Variants in SNAPC1 observed in about 807,000 individuals in gnomAD.
SNAPC1 encodes the protein snRNA-activating protein complex subunit 1.
Under a neutral mutation model 50.1 loss-of-function variants are expected in SNAPC1, and 42 were observed. The ratio of observed to expected loss-of-function variants is 0.84; its 90% CI spans 0.65 to 1.08. The LOEUF (loss-of-function observed/expected upper bound fraction) is 1.08. Among genes scored for constraint, SNAPC1 ranks in the 50% least tolerant of loss-of-function variants. The pLI is 0.00. For missense variants in SNAPC1, 477 were observed against 427.3 expected (o/e 1.12, Z -1.02); for synonymous variants, 164 against 144.2 (o/e 1.14, Z -0.98).
intron 2 of SNAPC1, 84 bp downstream of exon 2, chr14:61,767,119 T>A: frequency 9.1e-7 from 1 of 1,096,472 alleles, no homozygotes; most frequent in Non-Finnish European, 1.2e-6. Context: ...TGATTAAATA[T>A]GATTTAAATA....
At position 61,767,209 on chromosome 14, in the gene SNAPC1, C is replaced by T. The variant is rs2044954680; in HGVS notation, c.289-3C>T. On this transcript the variant is annotated splice_polypyrimidine_tract_variant and splice_region_variant and intron_variant, in intron 2 of 9. Transcript: ENST00000216294. ...TACAACTTTTTTTTCTTCCTGGTTG[C>T]AGATCAGAGTTGCCCTGAAGGATTG... The T allele has an allele frequency of 1.4e-6, 2 of 1,433,552 alleles. No homozygotes were observed. Among genetic ancestry groups the T allele is most frequent in the South Asian group, 3.5e-5 (2 of 57,594 alleles). The allele number at this position is 1,433,552 out of a possible 1,614,324, so 88.8% of individuals were successfully genotyped here. A position where few individuals can be genotyped will look rare whatever the true frequency, so the allele number is the denominator to read the frequency against.
chr14:61,782,252 C>A lies in SNAPC1; in HGVS notation c.831C>A (p.Ser277=). 1 of 1,586,996 alleles carries A rather than the reference C, an allele frequency of 6.3e-7. No individual in the cohort carries two copies. Among genetic ancestry groups the A allele is most frequent in the Non-Finnish European group, 8.5e-7 (1 of 1,170,828 alleles). ...SKAFSVVIQA[S]KSRRHRQVKL... Reference sequence around the variant, plus strand: ...ATTGGATTGTAACTCTTAAGGCATCCAAATCAAGAAGGCATCGTCAAGTCA... The same window carrying A: ...ATTGGATTGTAACTCTTAAGGCATCAAAATCAAGAAGGCATCGTCAAGTCA... Residue 277 remains serine, a synonymous_variant, in exon 8 of 10, where the codon TCC becomes TCA. Transcript: ENST00000216294.
chr14:61,778,907 AC>A lies in SNAPC1; in HGVS notation c.823del (p.Gln275ArgfsTer39). ...AATCAAAGGCCTTTTCAGTTGTCAT[AC>A]AGGTAAGTTATTCTTTAATAAGGTA... ...IKSKAFSVVI[Q>X]ASKSRRHRQV... is the part of the protein sequence containing the mutation. On this transcript the variant is annotated frameshift_variant and splice_region_variant, in exon 7 of 10. Coordinates refer to ENST00000216294, the MANE Select transcript of SNAPC1 (RefSeq NM_003082.4). LOFTEE classifies it high-confidence loss of function. The A allele has an allele frequency of 6.6e-7, 1 of 1,522,944 alleles. No individual in the cohort carries two copies. 94.3% of individuals were successfully genotyped at this position (1,522,944 alleles called of 1,614,324 possible). A position where few individuals can be genotyped will look rare whatever the true frequency, so the allele number is the denominator to read the frequency against.
intron 7 of SNAPC1, among the ~76,000 whole-genome samples, chr14:61,781,185 C>G (rs369127485): frequency 1.3e-5 from 2 of 152,070 alleles, no homozygotes; most frequent in Non-Finnish European, 2.9e-5. Context: ...TGCGGTGGCT[C>G]ATGCCTGTAA....
At chr14:61,767,117 TA>T in intron 2 of SNAPC1, 82 bp downstream of exon 2, 1 of 1,102,106 alleles carries the variant, frequency 9.1e-7, no homozygotes, top group Non-Finnish European at 1.2e-6. Flanking sequence ...TATGATTAAA[TA>T]TGATTTAAAT....
At chr14:61,773,363 A>G (rs1433997464) in intron 4 of SNAPC1, among the ~76,000 whole-genome samples, 1 of 149,732 alleles carries the variant, frequency 6.7e-6, no homozygotes, top group Non-Finnish European at 1.5e-5. Flanking sequence ...ACTAATTATC[A>G]TAGTAACCCT....
Position 61,778,148 on chromosome 14 carries a change from A to C in SNAPC1, c.762+8A>C. 1 of 1,572,926 alleles carries C rather than the reference A, an allele frequency of 6.4e-7. No homozygotes were observed. The highest frequency in any genetic ancestry group is 1.7e-4 in the Middle Eastern group (1 of 5,964). On this transcript the variant is annotated splice_region_variant and intron_variant, in intron 6 of 9. Coordinates refer to ENST00000216294, the MANE Select transcript of SNAPC1 (RefSeq NM_003082.4). ...AATTCACAAGAAACGGAGGTCAGAAAACTTTGCAATTCATATTATGTGTGG... is the reference window on the plus strand; with the variant it reads ...AATTCACAAGAAACGGAGGTCAGAACACTTTGCAATTCATATTATGTGTGG...
intron 1 of SNAPC1, among the ~76,000 whole-genome samples, chr14:61,764,550 T>C (rs2044933062): frequency 6.6e-6 from 1 of 152,144 alleles, no homozygotes; most frequent in African/African-American, 2.4e-5. Flanking sequence ...GATGAGGAAA[T>C]TAAGGCTTAA....
intron 4 of SNAPC1, among the ~76,000 whole-genome samples, chr14:61,773,878 T>A (rs1032943457): frequency 1.3e-5 from 2 of 151,762 alleles, no homozygotes; most frequent in Non-Finnish European, 1.5e-5. Flanking sequence ...TGGCTAATTT[T>A]TTGTATTTTT....
In SNAPC1 at chr14:61,762,420, A is replaced by AGAGGCGTGCGGACTTCG; in HGVS notation, c.-30_-29insACTTCGGAGGCGTGCGG. ...GGCGACCACCGCTGGCTAGTCCGTT[A>AGAGGCGTGCGGACTTCG]GAGGCGTGCGGGCTTCGGAGGCGTG... On this transcript the variant is annotated 5_prime_UTR_variant, in exon 1 of 10. Coordinates refer to ENST00000216294, the MANE Select transcript of SNAPC1 (RefSeq NM_003082.4). 2 of 1,387,530 alleles carry AGAGGCGTGCGGACTTCG rather than the reference A, an allele frequency of 1.4e-6. No homozygotes were observed. The highest frequency in any genetic ancestry group is 2.6e-5 in the South Asian group (2 of 77,460). The allele number at this position is 1,387,530 out of a possible 1,614,324, so 86.0% of individuals were successfully genotyped here.
chr14:61,770,923 G>T (rs1295916459), intron 4 of SNAPC1, among the ~76,000 whole-genome samples: 1 of 152,006 alleles, frequency 6.6e-6, no homozygotes, highest in Non-Finnish European at 1.5e-5. Flanking sequence ...TTGTATTTTA[G>T]TAGAGATGGG....
Position 61,795,884 on chromosome 14 carries a change from GA to G in SNAPC1, c.*902del, listed in dbSNP as rs1178421327. The G allele has an allele frequency of 1.3e-5, 2 of 151,444 alleles. No individual in the cohort carries two copies. Among genetic ancestry groups the G allele is most frequent in the African/African-American group, 4.9e-5 (2 of 41,172 alleles). 9.4% of individuals were successfully genotyped at this position (151,444 alleles called of 1,614,324 possible). ...TTTTTTTTTTTCCCTAATAGAGATG[GA>G]GTATCGCTATGTTGCTCAGGCTGGT... On this transcript the variant is annotated 3_prime_UTR_variant, in exon 10 of 10. Transcript: ENST00000216294.
chr14:61,785,276 C>A (rs778342650), intron 8 of SNAPC1, among the ~76,000 whole-genome samples: 12 of 152,128 alleles, frequency 7.9e-5, no homozygotes, highest in Non-Finnish European at 1.8e-4. Context: ...GTGGCACATG[C>A]ATGTAATCCC....
At chr14:61,763,110 A>G (rs1052787917) in intron 1 of SNAPC1, among the ~76,000 whole-genome samples, 5 of 145,848 alleles carry the variant, frequency 3.4e-5, no homozygotes, top group Admixed American at 7.3e-5. Flanking sequence ...TCTTGCCTCA[A>G]CCTCCGGAGT....
chr14:61,788,469 A>G (rs140084431), intron 8 of SNAPC1, among the ~76,000 whole-genome samples: 51 of 152,308 alleles, frequency 3.3e-4, no homozygotes, highest in African/African-American at 1.1e-3. Flanking sequence ...TAAAATTTCT[A>G]ATTGTAAAAG....
chr14:61,794,916 G>A (rs2045178023), intron 9 of SNAPC1, 33 bp from the exon 10 acceptor site: 7 of 1,463,710 alleles, frequency 4.8e-6, no homozygotes, highest in Admixed American at 1.8e-5. Flanking sequence ...TTTGTTTTTA[G>A]ATCTGACTGA....
rs35300490 is a variant in SNAPC1 at position 61,774,648 on chromosome 14, ATTTTTTTTTTTTTTTTT to A, written c.535-1433_535-1417del. 1.1e-4 allele frequency among the ~76,000 whole-genome samples: 10 copies of A among 90,962 alleles called. No individual in the cohort carries two copies. The South Asian group carries it at 2.0e-3, about 18-fold the overall frequency. The allele number at this position is 90,962 out of a possible 152,430, so 59.7% of individuals were successfully genotyped here. A position where few individuals can be genotyped will look rare whatever the true frequency, so the allele number is the denominator to read the frequency against. On this transcript the variant is annotated intron_variant, in intron 4 of 9. Transcript: ENST00000216294. Reference sequence around the variant, plus strand: ...ACTCACCACTATTGATCAGTTTCTCATTTTTTTTTTTTTTTTTTTTTTTTTTTTTTGAGAGGCAGAGT... The same window carrying A: ...ACTCACCACTATTGATCAGTTTCTCATTTTTTTTTTTTTGAGAGGCAGAGT...
chr14:61,782,142 C>G, intron 7 of SNAPC1, 105 bp from the exon 8 acceptor site: 1 of 887,550 alleles, frequency 1.1e-6, no homozygotes, highest in Admixed American at 2.8e-5. Context: ...ACAGATATTT[C>G]TGTAAATCTT....
At chr14:61,771,733 G>C (rs1221895972) in intron 4 of SNAPC1, among the ~76,000 whole-genome samples, 1 of 152,188 alleles carries the variant, frequency 6.6e-6, no homozygotes, top group Non-Finnish European at 1.5e-5. Context: ...AGGTGGGTGT[G>C]TCTGCGATTG....
Sources: gnomAD v4.1 joint callset for allele counts (sites outside exome capture counted in the v4.1 genomes callset) on GRCh38, gnomAD v4.1.1 for gene constraint, MANE v1.5 for transcripts, NCBI Gene and HGNC (gene_info 2026-07-23, HGNC 2026-07-21) for gene names.